GUCY2D: variants seen among roughly 807,000 people sequenced by gnomAD.
The protein encoded by GUCY2D is guanylate cyclase 2D, retinal.
GUCY2D carries 70 observed loss-of-function variants against 101.3 expected under a neutral mutation model. That is an observed-to-expected ratio of 0.69 (90% CI 0.57 to 0.84). The LOEUF (loss-of-function observed/expected upper bound fraction) is 0.84, where lower values mean the gene tolerates loss of function less well. Among genes scored for constraint, GUCY2D ranks in the 40% least tolerant of loss-of-function variants. GUCY2D has a pLI of 0.00. For missense variants in GUCY2D, 1,460 were observed against 1,542.5 expected (o/e 0.95, Z 0.90); for synonymous variants, 688 against 670.7 (o/e 1.03, Z -0.40).
chr17:8,006,408 G>A lies in GUCY2D; in HGVS notation c.1072G>A (p.Ala358Thr), dbSNP rs1263635741. The part of the protein sequence containing the change: ...GTIYDAVFLL[A>T]RGVAEARAAA... ...CATCTATGACGCGGTCTTCTTGCTG[G>A]CAAGGGGCGTGGCAGAAGCGCGGGC... Residue 358 changes from alanine (A) to threonine (T), a missense_variant, in exon 4 of 20, where the codon GCA (alanine) becomes ACA (threonine). Physicochemically the swap from Ala to Thr is moderately conservative, Grantham distance 58. This residue lies in a region of GUCY2D where 1,196 missense variants were observed against 1,229.6 expected (regional missense o/e 0.97). Transcript: ENST00000254854. The A allele has an allele frequency of 1.2e-6, 2 of 1,602,112 alleles. No homozygotes were observed. The highest frequency in any genetic ancestry group is 1.7e-6 in the Non-Finnish European group (2 of 1,179,968).
chr17:8,014,492 G>C lies in GUCY2D; in HGVS notation c.2413-109G>C, dbSNP rs980003546. ...AATAGTAGATGAATGGTGGCAGCGG[G>C]GTTGGGGTTCAGAGTGAACAGCCCC... is the stretch of plus-strand genomic sequence containing the variant. On this transcript the variant is annotated intron_variant, in intron 12 of 19. Coordinates refer to ENST00000254854, the MANE Select transcript of GUCY2D (RefSeq NM_000180.4). This position sits in a 1 kb window ranked among gnomAD's most constrained non-coding sequence, Gnocchi z 4.0. The C allele has an allele frequency of 2.0e-6, 2 of 997,886 alleles. No individual in the cohort carries two copies. Among genetic ancestry groups the C allele is most frequent in the Non-Finnish European group, 3.2e-6 (2 of 626,278 alleles). 61.8% of individuals were successfully genotyped at this position (997,886 alleles called of 1,614,324 possible). A position where few individuals can be genotyped will look rare whatever the true frequency, so the allele number is the denominator to read the frequency against.
Position 8,007,522 on chromosome 17 carries a change from T to G in GUCY2D, c.1560T>G (p.Ser520=). 6.3e-7 allele frequency: 1 copy of G among 1,591,162 alleles called. No homozygotes were observed. The highest frequency in any genetic ancestry group is 8.6e-7 in the Non-Finnish European group (1 of 1,159,230). The change falls in exon 6 of 20, where the codon TCT becomes TCG. Residue 520 remains serine (S), a synonymous_variant. Coordinates refer to ENST00000254854, the MANE Select transcript of GUCY2D (RefSeq NM_000180.4). ...TTCTCCACCCACATGGGGGCACCTC[T>G]CGAAAGGTGGGGGAGGCAGAGAGGC... The part of the protein sequence containing the change: ...ITFLHPHGGT[S]RKVAQGSRSS...
intron 6 of GUCY2D, 141 bp downstream of exon 6, chr17:8,007,669 T>G (rs1165636851): frequency 6.0e-6 from 4 of 662,428 alleles, no homozygotes; most frequent in Middle Eastern, 2.6e-4. Context: ...AGTCTAGGGA[T>G]CAGCACCCTC....
intron 10 of GUCY2D, 148 bp from the exon 11 acceptor site, chr17:8,012,955 A>C: frequency 4.4e-6 from 3 of 682,488 alleles, no homozygotes; most frequent in Non-Finnish European, 4.9e-6. Context: ...GATGGCTCCT[A>C]GAGATAGTTG....
chr17:8,013,040 G>C lies in GUCY2D; in HGVS notation c.2114-63G>C. The C allele has an allele frequency of 6.5e-7, 1 of 1,541,134 alleles. No individual in the cohort carries two copies. On this transcript the variant is annotated intron_variant, in intron 10 of 19. Transcript: ENST00000254854. The surrounding 1 kb of genome is among the most constrained non-coding windows in gnomAD (Gnocchi z 5.0). ...GTTGGTGGTGTCTGGGTGCCAACCT[G>C]GGCTTTCTGGTGAGGGTGGGAGTCT...
At position 8,014,141 on chromosome 17, in the gene GUCY2D, G is replaced by T; in HGVS notation, c.2412+113G>T. 2.0e-6 allele frequency: 2 copies of T among 986,228 alleles called. No homozygotes were observed. The highest frequency in any genetic ancestry group is 3.2e-6 in the Non-Finnish European group (2 of 625,180). 61.1% of individuals were successfully genotyped at this position (986,228 alleles called of 1,614,324 possible). ...GCTGGCAGGACCTCTGGCCTTCCAG[G>T]CTACCTCCTAAGGAGTAGCCTGAAG... On this transcript the variant is annotated intron_variant, in intron 12 of 19. Transcript: ENST00000254854. This position sits in a 1 kb window ranked among gnomAD's most constrained non-coding sequence, Gnocchi z 4.0.
intron 3 of GUCY2D, 77 bp from the exon 4 acceptor site, chr17:8,006,286 C>A: frequency 8.9e-7 from 1 of 1,120,860 alleles, no homozygotes; most frequent in Non-Finnish European, 1.3e-6. Flanking sequence ...ATACCCTGGG[C>A]TTGACAGGCA....
chr17:8,012,549 G>A lies in GUCY2D; in HGVS notation c.2056G>A (p.Gly686Ser), dbSNP rs766482364. 18 of 1,613,862 alleles carry A rather than the reference G, an allele frequency of 1.1e-5. No individual in the cohort carries two copies. The highest frequency in any genetic ancestry group is 6.7e-5 in the Admixed American group (4 of 60,004). The change falls in exon 10 of 20, where the codon GGC (glycine) becomes AGC (serine). Residue 686 changes from glycine to serine, a missense_variant. Around this residue, in one of 3 missense-constraint regions of GUCY2D, gnomAD observed 1,196 missense variants for 1,229.6 expected, o/e 0.97. Coordinates refer to ENST00000254854, the MANE Select transcript of GUCY2D (RefSeq NM_000180.4). ...ATTCGTACTCAAGATCACTGACCAC[G>A]GCCACGGGAGACTGCTGGAAGCACA... ...GRFVLKITDH[G>S]HGRLLEAQKV...
chr17:8,013,655 A>G lies in GUCY2D; in HGVS notation c.2264-225A>G, dbSNP rs915294920. ...ATACAATATGTTAGTTTCTTTGCCT[A>G]TGTCACCTCTTACTGACCCCCAGAG... is the stretch of plus-strand genomic sequence containing the variant. On this transcript the variant is annotated intron_variant, in intron 11 of 19. Transcript: ENST00000254854. The surrounding 1 kb of genome is among the most constrained non-coding windows in gnomAD (Gnocchi z 5.0). 4 of 597,608 alleles carry G rather than the reference A, an allele frequency of 6.7e-6. No individual in the cohort carries two copies. The highest frequency in any genetic ancestry group is 3.0e-5 in the Admixed American group (1 of 33,884). The allele number at this position is 597,608 out of a possible 1,614,324, so 37.0% of individuals were successfully genotyped here.
intron 19 of GUCY2D, among the ~76,000 whole-genome samples, chr17:8,017,529 T>C (rs8071166): frequency 0.15 from 22,712 of 152,082 alleles, 2,168 homozygotes; most frequent in African/African-American, 0.27. Context: ...CTCCTGTGGG[T>C]ATAATCAGGG....
In GUCY2D at chr17:8,003,145, T is replaced by C; in HGVS notation, c.98T>C (p.Leu33Pro). ...TCCCTGCCCCGCCTCCCCCGGGCCC[T>C]GCCCCGGCTCCCGCTCCTGCTGCTC... ...APSLPRLPRA[L>P]PRLPLLLLLL... Residue 33 changes from leucine to proline, a missense_variant, in exon 2 of 20, where the codon CTG (leucine) becomes CCG (proline). Physicochemically the swap from Leu to Pro is moderately conservative, Grantham distance 98 (BLOSUM62 -3). Transcript: ENST00000254854. 6.6e-7 allele frequency: 1 copy of C among 1,506,718 alleles called. No individual in the cohort carries two copies. The highest frequency in any genetic ancestry group is 8.8e-7 in the Non-Finnish European group (1 of 1,132,476). The allele number at this position is 1,506,718 out of a possible 1,614,324, so 93.3% of individuals were successfully genotyped here. A position where few individuals can be genotyped will look rare whatever the true frequency, so the allele number is the denominator to read the frequency against.
At position 8,015,421 on chromosome 17, in the gene GUCY2D, G is replaced by A. The variant is rs746733885; in HGVS notation, c.2863G>A (p.Asp955Asn). 2 of 1,613,784 alleles carry A rather than the reference G, an allele frequency of 1.2e-6. No homozygotes were observed. The highest frequency in any genetic ancestry group is 1.7e-6 in the Non-Finnish European group (2 of 1,179,886). Residue 955 changes from aspartate to asparagine, a missense_variant, in exon 15 of 20, where the codon GAC (aspartate) becomes AAC (asparagine). Around this residue, in one of 3 missense-constraint regions of GUCY2D, gnomAD observed 215 missense variants for 227.9 expected, o/e 0.94. Transcript: ENST00000254854. ...GGCAGAGATCGCCAACATGTCACTGGACATCCTCAGTGCCGTGGGCACTTT... is the reference window on the plus strand; with the variant it reads ...GGCAGAGATCGCCAACATGTCACTGAACATCCTCAGTGCCGTGGGCACTTT... ...HAAEIANMSL[D>N]ILSAVGTFRM... is the part of the protein sequence containing the mutation.
In GUCY2D at chr17:8,003,568, C is replaced by T; in HGVS notation, c.521C>T (p.Ala174Val). Reference protein sequence around the residue: ...AVTPAADALYALLRAFGWARV... With the variant: ...AVTPAADALYVLLRAFGWARV... ...ACCCCCGCCGCGGATGCCCTCTACGCCCTGCTTCGCGCATTCGGCTGGGCG... is the reference window on the plus strand; with the variant it reads ...ACCCCCGCCGCGGATGCCCTCTACGTCCTGCTTCGCGCATTCGGCTGGGCG... Residue 174 changes from alanine to valine, a missense_variant, in exon 2 of 20, where the codon GCC (alanine) becomes GTC (valine). Around this residue, in one of 3 missense-constraint regions of GUCY2D, gnomAD observed 1,196 missense variants for 1,229.6 expected, o/e 0.97. Transcript: ENST00000254854. 1 of 1,580,460 alleles carries T rather than the reference C, an allele frequency of 6.3e-7. No homozygotes were observed. The highest frequency in any genetic ancestry group is 1.1e-5 in the South Asian group (1 of 88,442).
rs1975651513 is a variant in GUCY2D, at chr17:8,002,878, G to C, written c.-10+144G>C. On this transcript the variant is annotated intron_variant, in intron 1 of 19. Transcript: ENST00000254854. This position sits in a 1 kb window ranked among gnomAD's most constrained non-coding sequence, Gnocchi z 4.9. ...GGGCGGCAGAAGGGGGCTTCGGGGC[G>C]GTGTCCTTGGCCCCAGTTAGTCTTC... 1 of 568,884 alleles carries C rather than the reference G, an allele frequency of 1.8e-6. No homozygotes were observed. Among genetic ancestry groups the C allele is most frequent in the South Asian group, 2.3e-5 (1 of 43,196 alleles). 35.2% of individuals were successfully genotyped at this position (568,884 alleles called of 1,614,324 possible).
At chr17:8,005,027 A>G (rs1009987993) in intron 3 of GUCY2D, among the ~76,000 whole-genome samples, 9 of 152,152 alleles carry the variant, frequency 5.9e-5, no homozygotes, top group African/African-American at 1.7e-4. Flanking sequence ...GAAAGTAGAG[A>G]GAGAAAAGCC....
intron 7 of GUCY2D, among the ~76,000 whole-genome samples, chr17:8,008,918 G>T (rs1975796287): frequency 6.6e-6 from 1 of 152,142 alleles, no homozygotes; most frequent in Admixed American, 6.5e-5. Context: ...AGGGCCACCT[G>T]CATAATTAGC....
intron 6 of GUCY2D, 29 bp downstream of exon 6, chr17:8,007,557 T>A (rs1598146923): frequency 7.1e-7 from 1 of 1,405,858 alleles, no homozygotes; most frequent in South Asian, 1.1e-5. Context: ...CAGGAGCCAG[T>A]TGTCTTCTTT....
In GUCY2D at chr17:8,011,875, T is replaced by C. The variant is rs1037085032; in HGVS notation, c.1750-269T>C. ...AATAAATCCGAACCTGCCTGGGTCC[T>C]GATCACCAATGCAAAGTTGTCTTTT... On this transcript the variant is annotated intron_variant, in intron 8 of 19. Transcript: ENST00000254854. The surrounding 1 kb of genome is among the most constrained non-coding windows in gnomAD (Gnocchi z 4.3). Among the ~76,000 whole-genome samples the C allele has an allele frequency of 6.6e-6, 1 of 152,210 alleles. No homozygotes were observed. Among genetic ancestry groups the C allele is most frequent in the Non-Finnish European group, 1.5e-5 (1 of 68,036 alleles).
At chr17:8,017,718 C>T (rs1976003960) in intron 19 of GUCY2D, among the ~76,000 whole-genome samples, 2 of 152,056 alleles carry the variant, frequency 1.3e-5, no homozygotes, top group South Asian at 4.1e-4. Context: ...TTTTGAGTCT[C>T]ACTTTGTCAC....
Sources: allele counts gnomAD v4.1 joint callset (sites outside exome capture counted in the v4.1 genomes callset), GRCh38; gene constraint gnomAD v4.1.1; regional missense constraint gnomAD v4.1.1; non-coding constraint Gnocchi (gnomAD v3.1); transcripts MANE v1.5; gene names NCBI Gene and HGNC (gene_info 2026-07-23, HGNC 2026-07-21).